Variants in BABAM2 observed in about 807,000 individuals in gnomAD.
The protein encoded by BABAM2 is BRISC and BRCA1-A complex member 2.
Under a neutral mutation model 54.7 loss-of-function variants are expected in BABAM2, and 31 were observed. The ratio of observed to expected loss-of-function variants is 0.57; its 90% CI spans 0.43 to 0.77. The LOEUF (loss-of-function observed/expected upper bound fraction) is 0.77. BABAM2 is among the 30% of genes least tolerant of loss of function. BABAM2 has a pLI of 0.00. For missense variants in BABAM2, 364 were observed against 455.8 expected (o/e 0.80, Z 1.83); for synonymous variants, 167 against 162.9 (o/e 1.03, Z -0.19).
chr2:27,981,363 A>G (rs1671985758), intron 3 of BABAM2, among the ~76,000 whole-genome samples: 1 of 152,174 alleles, frequency 6.6e-6, no homozygotes, highest in African/African-American at 2.4e-5. Flanking sequence ...TTGAGATACA[A>G]TTACATACCG....
At chr2:28,294,955 GAAAT>G (rs1173191590) in intron 10 of BABAM2, among the ~76,000 whole-genome samples, 23 of 152,272 alleles carry the variant, frequency 1.5e-4, no homozygotes, top group African/African-American at 5.5e-4. Flanking sequence ...TCTCCATGGA[GAAAT>G]AATAATGTAA....
intron 10 of BABAM2, among the ~76,000 whole-genome samples, chr2:28,269,475 T>G (rs1270058077): frequency 6.6e-6 from 1 of 152,238 alleles, no homozygotes; most frequent in Non-Finnish European, 1.5e-5. Flanking sequence ...GCAACCCAGA[T>G]AGTTAGCTCA....
chr2:27,983,696 A>G (rs1452025257), intron 3 of BABAM2, among the ~76,000 whole-genome samples: 1 of 152,016 alleles, frequency 6.6e-6, no homozygotes, highest in East Asian at 1.9e-4. Context: ...TTTATTCCTA[A>G]GTATTTTGTT....
At chr2:28,100,993 C>T (rs902527413) in intron 6 of BABAM2, among the ~76,000 whole-genome samples, 1 of 152,142 alleles carries the variant, frequency 6.6e-6, no homozygotes, top group Non-Finnish European at 1.5e-5. Flanking sequence ...TCCAGGGAAG[C>T]AGGCAAAGCC....
At chr2:28,178,028 A>G (rs1446073573) in intron 7 of BABAM2, among the ~76,000 whole-genome samples, 1 of 152,192 alleles carries the variant, frequency 6.6e-6, no homozygotes, top group African/African-American at 2.4e-5. Flanking sequence ...AGGGAGAGAT[A>G]GACTCCAATA....
At chr2:28,318,403 A>T (rs1689748028) in intron 11 of BABAM2, among the ~76,000 whole-genome samples, 3 of 152,202 alleles carry the variant, frequency 2.0e-5, no homozygotes, top group Admixed American at 1.3e-4. Context: ...AATTGTTATA[A>T]TAGAATACAG....
At chr2:28,290,047 T>C (rs964561329) in intron 10 of BABAM2, among the ~76,000 whole-genome samples, 7 of 152,226 alleles carry the variant, frequency 4.6e-5, no homozygotes, top group South Asian at 2.1e-4. Context: ...TAGTATGTAA[T>C]GTGTGCACGT....
chr2:28,136,739 C>T (rs530802966), intron 7 of BABAM2, among the ~76,000 whole-genome samples: 1 of 152,302 alleles, frequency 6.6e-6, no homozygotes, highest in South Asian at 2.1e-4. Flanking sequence ...CCTCCCCTGC[C>T]TTTACCCCAC....
intron 3 of BABAM2, among the ~76,000 whole-genome samples, chr2:27,948,810 C>T (rs918945800): frequency 6.6e-6 from 1 of 152,084 alleles, no homozygotes; most frequent in African/African-American, 2.4e-5. Context: ...GATATTCTTG[C>T]CTTGTTCCAG....
At position 28,014,170 on chromosome 2, in the gene BABAM2, G is replaced by C. The variant is rs772181561; in HGVS notation, c.301-11056G>C. 1.3e-4 allele frequency among the ~76,000 whole-genome samples: 20 copies of C among 152,070 alleles called. No individual in the cohort carries two copies. The East Asian group carries it at 1.7e-3, about 13-fold the overall frequency. The stretch of plus-strand genomic sequence containing the variant: ...TTGAGATGAGGGTCACATACAGGAT[G>C]GGGGGAGGTAACATTAAGATTTCAC... On this transcript the variant is annotated intron_variant, in intron 4 of 11. Coordinates refer to ENST00000379624, the MANE Select transcript of BABAM2 (RefSeq NM_199191.3).
chr2:28,211,430 C>T (rs1679447507), intron 7 of BABAM2, among the ~76,000 whole-genome samples: 1 of 107,984 alleles, frequency 9.3e-6, no homozygotes, highest in African/African-American at 3.3e-5. Flanking sequence ...TCTTGTTGCC[C>T]AGGCTGGAGT....
chr2:28,335,097 C>T (rs1402234194), intron 11 of BABAM2, among the ~76,000 whole-genome samples: 2 of 150,420 alleles, frequency 1.3e-5, no homozygotes, highest in East Asian at 3.9e-4. Flanking sequence ...AGTGTTCTTC[C>T]TTAGTACCTA....
At chr2:28,100,782 G>A (rs1178241785) in intron 6 of BABAM2, among the ~76,000 whole-genome samples, 2 of 152,206 alleles carry the variant, frequency 1.3e-5, no homozygotes, top group Admixed American at 1.3e-4. Context: ...AGTGTGGGCT[G>A]TTGGTCCATG....
At chr2:27,890,144 A>G, upstream of BABAM2, 3 of 925,620 alleles carry the variant, frequency 3.2e-6, no homozygotes, top group Middle Eastern at 2.2e-4. The surrounding 1 kb of genome is among the most constrained non-coding windows in gnomAD (Gnocchi z 4.8). Context: ...TCATACCCAA[A>G]GCTAGCACTG....
chr2:28,208,828 G>A (rs1475457236), intron 7 of BABAM2, among the ~76,000 whole-genome samples: 1 of 152,176 alleles, frequency 6.6e-6, no homozygotes, highest in Non-Finnish European at 1.5e-5. Context: ...CAGGTGGGGA[G>A]ATGAAATGGT....
At chr2:28,260,591 C>T (rs868300101) in intron 10 of BABAM2, among the ~76,000 whole-genome samples, 2 of 152,042 alleles carry the variant, frequency 1.3e-5, no homozygotes, top group South Asian at 2.1e-4. Context: ...CGTGAGGCAG[C>T]GCATCCAGCC....
intron 3 of BABAM2, among the ~76,000 whole-genome samples, chr2:27,985,531 AT>A (rs942682103): frequency 2.0e-5 from 3 of 151,984 alleles, no homozygotes; most frequent in African/African-American, 7.2e-5. Context: ...TTCACTGAAG[AT>A]TTTTTTCAGC....
intron 3 of BABAM2, among the ~76,000 whole-genome samples, chr2:27,962,240 G>T (rs1018474111): frequency 1.3e-5 from 2 of 151,992 alleles, no homozygotes; most frequent in African/African-American, 4.8e-5. Context: ...CAAGTTTCTG[G>T]GATTACTGGT....
intron 10 of BABAM2, among the ~76,000 whole-genome samples, chr2:28,253,064 C>T (rs1308452995): frequency 6.6e-6 from 1 of 152,112 alleles, no homozygotes; most frequent in African/African-American, 2.4e-5. Context: ...TGTTTTGGTG[C>T]AGAGCTTCTG....
Sources: gnomAD v4.1 joint callset for allele counts (sites outside exome capture counted in the v4.1 genomes callset) on GRCh38, gnomAD v4.1.1 for gene constraint, Gnocchi (gnomAD v3.1) non-coding constraint, MANE v1.5 for transcripts, NCBI Gene and HGNC (gene_info 2026-07-23, HGNC 2026-07-21) for gene names.